Variants in CAMKMT observed in about 807,000 individuals in gnomAD.
The protein encoded by CAMKMT is calmodulin-lysine N-methyltransferase, also known as CaM KMT.
CAMKMT carries 53 observed loss-of-function variants against 48.0 expected under a neutral mutation model. That is an observed-to-expected ratio of 1.10 (90% CI 0.89 to 1.39). The LOEUF is 1.39. Ranked by LOEUF, CAMKMT falls within the 40% of genes most tolerant of loss-of-function variation. CAMKMT has a pLI of 0.00. For synonymous variants in CAMKMT, 165 were observed against 152.3 expected, an observed-to-expected ratio of 1.08 and a Z score of -0.61; for missense variants, 428 against 402.7, an observed-to-expected ratio of 1.06 and a Z score of -0.54.
chr2:44,752,576 G>A (rs184024183), intron 8 of CAMKMT, among the ~76,000 whole-genome samples: 1 of 151,964 alleles, frequency 6.6e-6, no homozygotes, highest in Admixed American at 6.5e-5. Context: ...ACTTCCAGCT[G>A]TCTTCGTCCA....
intron 3 of CAMKMT, among the ~76,000 whole-genome samples, chr2:44,652,628 C>G (rs890893029): frequency 1.3e-5 from 2 of 152,184 alleles, no homozygotes; most frequent in Non-Finnish European, 2.9e-5. Context: ...AAGTAACAAG[C>G]GCATGCACAC....
At chr2:44,431,203 A>AT (rs1684630564) in intron 3 of CAMKMT, among the ~76,000 whole-genome samples, 2 of 152,274 alleles carry the variant, frequency 1.3e-5, no homozygotes, top group East Asian at 1.9e-4. Flanking sequence ...TATAAATAAC[A>AT]TTTTTTGGTA....
chr2:44,613,352 C>G (rs1470725387), intron 3 of CAMKMT, among the ~76,000 whole-genome samples: 1 of 152,112 alleles, frequency 6.6e-6, no homozygotes, highest in Non-Finnish European at 1.5e-5. Context: ...GTCCTAGATC[C>G]TCCTCCAGAA....
intron 2 of CAMKMT, among the ~76,000 whole-genome samples, chr2:44,378,382 T>C (rs1404313238): frequency 6.6e-6 from 1 of 152,220 alleles, no homozygotes. Context: ...CTAAAACCCA[T>C]GAGACTGGAA....
At chr2:44,495,751 C>CTTT (rs1364192036) in intron 3 of CAMKMT, among the ~76,000 whole-genome samples, 2 of 152,212 alleles carry the variant, frequency 1.3e-5, no homozygotes, top group Non-Finnish European at 1.5e-5. Flanking sequence ...GCAGCTGTCA[C>CTTT]AGTGTAGTTC....
At chr2:44,410,340 T>C (rs1197699446) in intron 3 of CAMKMT, among the ~76,000 whole-genome samples, 1 of 139,152 alleles carries the variant, frequency 7.2e-6, no homozygotes, top group African/African-American at 2.8e-5. Flanking sequence ...CACTGCAGGC[T>C]CTGCCCCCAG....
chr2:44,466,820 CA>C (rs1420201686), intron 3 of CAMKMT, among the ~76,000 whole-genome samples: 4 of 151,968 alleles, frequency 2.6e-5, no homozygotes, highest in African/African-American at 9.7e-5. Flanking sequence ...AATGAAAGAG[CA>C]GACAAAACAA....
At chr2:44,732,615 A>T (rs1679138783) in intron 7 of CAMKMT, among the ~76,000 whole-genome samples, 1 of 152,212 alleles carries the variant, frequency 6.6e-6, no homozygotes, top group Non-Finnish European at 1.5e-5. Context: ...GACTATAGGC[A>T]CATGTCACCA....
At chr2:44,401,008 G>T (rs1482538020) in intron 3 of CAMKMT, 1 of 146,688 alleles carries the variant, frequency 6.8e-6, no homozygotes, top group Non-Finnish European at 1.5e-5. Context: ...TTTGGTTCTT[G>T]TTTATTTATA....
intron 3 of CAMKMT, among the ~76,000 whole-genome samples, chr2:44,410,728 C>G (rs1683146511): frequency 6.6e-6 from 1 of 152,012 alleles, no homozygotes; most frequent in African/African-American, 2.4e-5. Flanking sequence ...ACTTCATTAA[C>G]AAGTGAAGGA....
At chr2:44,670,396 T>A (rs1675258580) in intron 3 of CAMKMT, among the ~76,000 whole-genome samples, 1 of 152,020 alleles carries the variant, frequency 6.6e-6, no homozygotes, top group Non-Finnish European at 1.5e-5. Context: ...CTGGTCAACA[T>A]AGGGAGACCC....
intron 3 of CAMKMT, among the ~76,000 whole-genome samples, chr2:44,403,418 T>C (rs371909324): frequency 1.3e-5 from 2 of 152,262 alleles, no homozygotes; most frequent in African/African-American, 4.8e-5. Flanking sequence ...GTTGCACAAA[T>C]CTTTGGAATA....
chr2:44,509,733 T>A (rs1670442699), intron 3 of CAMKMT, among the ~76,000 whole-genome samples: 2 of 152,166 alleles, frequency 1.3e-5, no homozygotes, highest in Admixed American at 1.3e-4. Flanking sequence ...GTAATTCTCA[T>A]GGGAGTGAGT....
chr2:44,475,649 T>C (rs1668651989), intron 3 of CAMKMT, among the ~76,000 whole-genome samples: 1 of 152,174 alleles, frequency 6.6e-6, no homozygotes, highest in Non-Finnish European at 1.5e-5. Flanking sequence ...ATAACTGGTG[T>C]GGCAAGTAGA....
chr2:44,411,057 T>C (rs535554682), intron 3 of CAMKMT, among the ~76,000 whole-genome samples: 197 of 152,328 alleles, frequency 1.3e-3, no homozygotes, highest in Non-Finnish European at 2.3e-3. Flanking sequence ...AGAAATGGCC[T>C]TTACTGTCAT....
chr2:44,476,677 A>G (rs73924775), intron 3 of CAMKMT, among the ~76,000 whole-genome samples: 4,911 of 152,090 alleles, frequency 0.032, 270 homozygotes, highest in African/African-American at 0.11. Flanking sequence ...GCTTAGAATC[A>G]TATGTTCCAT....
chr2:44,364,227 G>T (rs1450679104), intron 1 of CAMKMT, among the ~76,000 whole-genome samples: 2 of 152,056 alleles, frequency 1.3e-5, no homozygotes, highest in African/African-American at 4.8e-5. Flanking sequence ...ACAGTGACAA[G>T]TTTCAGCTGT....
intron 3 of CAMKMT, among the ~76,000 whole-genome samples, chr2:44,590,778 T>C (rs1016882442): frequency 6.6e-6 from 1 of 152,098 alleles, no homozygotes; most frequent in African/African-American, 2.4e-5. Flanking sequence ...TTTGTCAATT[T>C]TGGCTTTTGT....
chr2:44,587,216 T>C (rs2103796661), intron 3 of CAMKMT, among the ~76,000 whole-genome samples: 1 of 152,290 alleles, frequency 6.6e-6, no homozygotes, highest in Admixed American at 6.5e-5. Context: ...ATTGAATCAA[T>C]AGCTTAATTT....
Sources: gnomAD v4.1 joint callset for allele counts (sites outside exome capture counted in the v4.1 genomes callset) on GRCh38, gnomAD v4.1.1 for gene constraint, MANE v1.5 for transcripts, NCBI Gene and HGNC (gene_info 2026-07-23, HGNC 2026-07-21) for gene names.